The following TLE1 variants were observed in gnomAD, a reference collection of about 807,000 sequenced individuals.
TLE1 encodes the protein transducin-like enhancer protein 1.
A neutral mutation model predicts 89.8 loss-of-function variants in TLE1; 21 were observed. The observed-to-expected ratio is 0.23, with a 90% CI of 0.17 to 0.34. The LOEUF (loss-of-function observed/expected upper bound fraction) is 0.34, where lower values mean the gene tolerates loss of function less well. Ranked by LOEUF, TLE1 falls within the 10% of genes least tolerant of loss-of-function variation. TLE1 has a pLI of 1.00. For missense variants in TLE1, 795 were observed against 1,031.2 expected (o/e 0.77, Z 3.14); for synonymous variants, 447 against 407.6 (o/e 1.10, Z -1.16).
At chr9:81,590,705 G>A (rs1183860251) in intron 16 of TLE1, 100 bp downstream of exon 16, 2 of 1,527,998 alleles carry the variant, frequency 1.3e-6, no homozygotes, top group East Asian at 2.3e-5. Flanking sequence ...CATTCAAGAG[G>A]CTCTTATTGT....
chr9:81,611,407 A>G (rs72747245), intron 13 of TLE1, among the ~76,000 whole-genome samples: 692 of 152,310 alleles, frequency 4.5e-3, no homozygotes, highest in Middle Eastern at 0.024. Flanking sequence ...AATGAATGAA[A>G]AGGCTTCTGT....
At chr9:81,671,370 G>T (rs1369452226) in intron 4 of TLE1, among the ~76,000 whole-genome samples, 1 of 151,898 alleles carries the variant, frequency 6.6e-6, no homozygotes, top group Non-Finnish European at 1.5e-5. Flanking sequence ...ATGAAGGCCG[G>T]GCATGGTGGC....
chr9:81,685,759 A>C, intron 3 of TLE1, 39 bp from the exon 4 acceptor site: 1 of 1,612,218 alleles, frequency 6.2e-7, no homozygotes, highest in Non-Finnish European at 8.5e-7. Context: ...TCATTAACTC[A>C]TGTTTTTTAC....
Position 81,660,934 on chromosome 9 carries a change from A to AACACACACACACACACAC in TLE1, c.235-6916_235-6899dup, listed in dbSNP as rs548190067. On this transcript the variant is annotated intron_variant, in intron 4 of 19. Coordinates refer to ENST00000376499, the MANE Select transcript of TLE1 (RefSeq NM_005077.5). Reference sequence around the variant, plus strand: ...ACACGGTGAAACCCCATCCCTACTAAACACACACACACACACACACACACA... The same window carrying AACACACACACACACACAC: ...ACACGGTGAAACCCCATCCCTACTAAACACACACACACACACACACACACACACACACACACACACACA... Among the ~76,000 whole-genome samples, 25 of 88,848 alleles carry AACACACACACACACACAC rather than the reference A, an allele frequency of 2.8e-4. 1 individual carries two copies. The highest frequency in any genetic ancestry group is 9.4e-4 in the African/African-American group (22 of 23,424). 58.3% of individuals were successfully genotyped at this position (88,848 alleles called of 152,430 possible). A position where few individuals can be genotyped will look rare whatever the true frequency, so the allele number is the denominator to read the frequency against.
chr9:81,587,781 T>A lies in TLE1; in HGVS notation c.1877A>T (p.Asn626Ile). The A allele has an allele frequency of 6.2e-7, 1 of 1,614,136 alleles. No individual in the cohort carries two copies. The highest frequency in any genetic ancestry group is 8.5e-7 in the Non-Finnish European group (1 of 1,180,018). The change falls in exon 17 of 20, where the codon AAT (asparagine) becomes ATT (isoleucine). Residue 626 changes from asparagine (N) to isoleucine (I), a missense_variant. Physicochemically the swap from Asn to Ile is moderately radical, Grantham distance 149. Coordinates refer to ENST00000376499, the MANE Select transcript of TLE1 (RefSeq NM_005077.5). ...TDGASCIDIS[N>I]DGTKLWTGGL... ...ACCCGTCCAGAGCTTGGTGCCATCA[T>A]TAGAAATGTCAATACAGCTGGCTCC...
intron 4 of TLE1, among the ~76,000 whole-genome samples, chr9:81,682,092 A>G (rs541381025): frequency 6.6e-6 from 1 of 152,144 alleles, no homozygotes; most frequent in East Asian, 1.9e-4. Flanking sequence ...CTACAAAAAA[A>G]AGAAAAAAAA....
At chr9:81,654,266 G>A (rs983089316) in intron 4 of TLE1, among the ~76,000 whole-genome samples, 6 of 152,122 alleles carry the variant, frequency 3.9e-5, no homozygotes, top group African/African-American at 1.4e-4. Context: ...GAGATGAGTA[G>A]TTTGATTGAG....
chr9:81,604,328 T>G (rs573775798), intron 14 of TLE1, among the ~76,000 whole-genome samples: 14 of 152,088 alleles, frequency 9.2e-5, no homozygotes, highest in Non-Finnish European at 2.1e-4. Flanking sequence ...TGGATCTTAG[T>G]GAGCAGGTGA....
chr9:81,604,889 C>A (rs1831428396), intron 14 of TLE1, among the ~76,000 whole-genome samples: 1 of 152,132 alleles, frequency 6.6e-6, no homozygotes, highest in Non-Finnish European at 1.5e-5. Context: ...GTCTTTCTGA[C>A]CCTAATTTTG....
intron 14 of TLE1, among the ~76,000 whole-genome samples, chr9:81,602,991 C>A (rs1318163232): frequency 6.6e-6 from 1 of 152,046 alleles, no homozygotes. Context: ...GGTTGGGAAA[C>A]CCATCTTGTC....
In TLE1 at chr9:81,675,268, G is replaced by A. The variant is rs919783585; in HGVS notation, c.234+10408C>T. On this transcript the variant is annotated intron_variant, in intron 4 of 19. Transcript: ENST00000376499. ...TTGCTGTGTATTTCTCTTTTATTCT[G>A]TAATTTGAAATTTTTCATAATAAAA... is the stretch of plus-strand genomic sequence containing the variant. 4.6e-5 allele frequency among the ~76,000 whole-genome samples: 7 copies of A among 152,066 alleles called. No homozygotes were observed. The East Asian group carries it at 5.8e-4, about 13-fold the overall frequency.
chr9:81,596,396 A>G (rs1367963943), intron 14 of TLE1, among the ~76,000 whole-genome samples: 1 of 152,152 alleles, frequency 6.6e-6, no homozygotes, highest in Non-Finnish European at 1.5e-5. Context: ...AACACGCCAG[A>G]GCAACACAAA....
intron 1 of TLE1, 111 bp from the exon 2 acceptor site, chr9:81,687,545 G>A (rs980384414): frequency 1.9e-5 from 15 of 782,796 alleles, no homozygotes; most frequent in Non-Finnish European, 2.9e-5. Flanking sequence ...GTTAGAAGTG[G>A]CTGAAAACGA....
chr9:81,654,507 A>G (rs2132658854), intron 4 of TLE1, among the ~76,000 whole-genome samples: 1 of 151,946 alleles, frequency 6.6e-6, no homozygotes, highest in South Asian at 2.1e-4. Context: ...CTCCCGGCTA[A>G]TTTTTTTCTA....
intron 6 of TLE1, among the ~76,000 whole-genome samples, chr9:81,642,633 G>A (rs1828279016): frequency 6.6e-6 from 1 of 152,084 alleles, no homozygotes; most frequent in Non-Finnish European, 1.5e-5. Context: ...GATAGAGGTT[G>A]CAGTGAGCCA....
At chr9:81,597,807 G>T (rs530135673) in intron 14 of TLE1, among the ~76,000 whole-genome samples, 1 of 152,316 alleles carries the variant, frequency 6.6e-6, no homozygotes, top group South Asian at 2.1e-4. Context: ...CAGAGGTGAA[G>T]GAACTAAAAG....
rs772301697 is a variant in TLE1 at position 81,585,608 on chromosome 9, G to A, written c.2025C>T (p.Gly675=). Residue 675 remains glycine, a synonymous_variant, in exon 18 of 20, where the codon GGC becomes GGT. Transcript: ENST00000376499. The part of the protein sequence containing the change: ...YCPTGEWLAV[G]MESSNVEVLH... ...GCACCTCCACATTGCTGCTCTCCAT[G>A]CCCACTGCCAGCCACTCCCCGGTGG... 6.2e-7 allele frequency: 1 copy of A among 1,614,088 alleles called. No individual in the cohort carries two copies. Among genetic ancestry groups the A allele is most frequent in the East Asian group, 2.2e-5 (1 of 44,866 alleles).
intron 4 of TLE1, among the ~76,000 whole-genome samples, chr9:81,654,996 C>T (rs930220369): frequency 2.0e-5 from 3 of 152,162 alleles, no homozygotes; most frequent in Admixed American, 1.3e-4. Context: ...ACTCAAAGAC[C>T]TCACCGACAG....
At chr9:81,623,036 T>C (rs1057054087) in intron 8 of TLE1, among the ~76,000 whole-genome samples, 1 of 152,230 alleles carries the variant, frequency 6.6e-6, no homozygotes, top group Admixed American at 6.5e-5. Context: ...GCTTTCATTG[T>C]TGTTCTTGAT....
Sources: allele counts gnomAD v4.1 joint callset (sites outside exome capture counted in the v4.1 genomes callset), GRCh38; gene constraint gnomAD v4.1.1; transcripts MANE v1.5; gene names NCBI Gene and HGNC (gene_info 2026-07-23, HGNC 2026-07-21).